PCDH15: variants seen among roughly 807,000 people sequenced by gnomAD.
PCDH15 encodes protocadherin-15.
A neutral mutation model predicts 178.5 loss-of-function variants in PCDH15; 129 were observed. The observed-to-expected ratio is 0.72, with a 90% CI of 0.63 to 0.84. The LOEUF is 0.84. PCDH15 is among the 40% of genes least tolerant of loss of function. The pLI is 0.00. For missense variants in PCDH15, 2,230 were observed against 2,099.9 expected (o/e 1.06, Z -1.21); for synonymous variants, 800 against 732.0 (o/e 1.09, Z -1.50).
At chr10:54,609,406 T>C (rs1172814592) in intron 2 of PCDH15, among the ~76,000 whole-genome samples, 1 of 152,096 alleles carries the variant, frequency 6.6e-6, no homozygotes, top group Non-Finnish European at 1.5e-5. Context: ...TGTAGTATAC[T>C]GCTCCATTAC....
At chr10:55,527,417 A>G (rs1237431176) in intron 2 of PCDH15, among the ~76,000 whole-genome samples, 1 of 152,018 alleles carries the variant, frequency 6.6e-6, no homozygotes, top group Non-Finnish European at 1.5e-5. Flanking sequence ...TGGAGTGTCT[A>G]TGTCCAAAGT....
chr10:54,708,778 ACG>A (rs2095394175), intron 1 of PCDH15, among the ~76,000 whole-genome samples: 2 of 127,108 alleles, frequency 1.6e-5, no homozygotes, highest in African/African-American at 3.2e-5. Context: ...GGCCAGAATA[ACG>A]TGTGTGTGTG....
At chr10:55,327,064 TC>T (rs1340899999) in intron 2 of PCDH15, among the ~76,000 whole-genome samples, 1 of 152,022 alleles carries the variant, frequency 6.6e-6, no homozygotes, top group Non-Finnish European at 1.5e-5. Context: ...AAATCCAAAA[TC>T]CCAAAGTAAT....
intron 1 of PCDH15, among the ~76,000 whole-genome samples, chr10:54,762,017 A>C (rs1371285180): frequency 6.6e-6 from 1 of 152,162 alleles, no homozygotes; most frequent in Non-Finnish European, 1.5e-5. Flanking sequence ...TACCACTGAC[A>C]GCAGGCACTG....
intron 27 of PCDH15, among the ~76,000 whole-genome samples, chr10:53,863,295 G>A (rs2079221165): frequency 6.6e-6 from 1 of 152,136 alleles, no homozygotes. Flanking sequence ...TACAAGGTCA[G>A]GAGAAGAAAA....
At chr10:55,559,032 C>T (rs1842143080) in intron 2 of PCDH15, among the ~76,000 whole-genome samples, 1 of 152,048 alleles carries the variant, frequency 6.6e-6, no homozygotes, top group Admixed American at 6.6e-5. Context: ...CCTCCCAGTG[C>T]CAACTCTCTA....
chr10:55,372,034 G>A (rs1320039746), intron 2 of PCDH15, among the ~76,000 whole-genome samples: 1 of 152,054 alleles, frequency 6.6e-6, no homozygotes, highest in Non-Finnish European at 1.5e-5. Flanking sequence ...TAGAAATTTA[G>A]ATATTTTAAA....
intron 2 of PCDH15, among the ~76,000 whole-genome samples, chr10:55,406,421 A>G (rs1588995746): frequency 1.3e-5 from 2 of 152,126 alleles, no homozygotes; most frequent in South Asian, 4.1e-4. Context: ...TGAAAATGAT[A>G]AATTTGGCCA....
At chr10:54,248,301 C>T (rs1052700455) in intron 8 of PCDH15, among the ~76,000 whole-genome samples, 4 of 151,796 alleles carry the variant, frequency 2.6e-5, no homozygotes, top group Admixed American at 6.6e-5. Context: ...ATTTAAAAAT[C>T]GTACTTAAAA....
intron 1 of PCDH15, among the ~76,000 whole-genome samples, chr10:54,748,894 C>G (rs1945824320): frequency 6.6e-6 from 1 of 152,152 alleles, no homozygotes; most frequent in South Asian, 2.1e-4. Flanking sequence ...CTCCCTTGCC[C>G]TGGCAGTGGA....
rs5785110 is a variant in PCDH15, at chr10:55,010,799, T to TA, written c.-79-113300dup. Among the ~76,000 whole-genome samples the TA allele has an allele frequency of 2.2e-3, 325 of 150,700 alleles. 1 individual carries two copies. The highest frequency in any genetic ancestry group is 5.0e-3 in the African/African-American group (207 of 41,014). ...TTTGCCATGCATAAACAACAACTTA[T>TA]AAAAAAAAAAGGTATTTATATCACA... is the stretch of plus-strand genomic sequence containing the variant. On this transcript the variant is annotated intron_variant, in intron 2 of 5. Coordinates refer to the PCDH15 transcript ENST00000458638.
At chr10:55,173,963 C>T (rs1177085089) in intron 1 of PCDH15, among the ~76,000 whole-genome samples, 2 of 151,994 alleles carry the variant, frequency 1.3e-5, no homozygotes, top group African/African-American at 2.4e-5. Flanking sequence ...CATTTCAAAG[C>T]TTTATTATTT....
intron 18 of PCDH15, among the ~76,000 whole-genome samples, chr10:54,032,853 T>C (rs986579362): frequency 6.6e-6 from 1 of 151,964 alleles, no homozygotes; most frequent in Non-Finnish European, 1.5e-5. Context: ...AAACTTACAA[T>C]CATGGTGGAT....
rs537422903 is a variant in PCDH15, at chr10:54,419,630, T to C, written c.158-40688A>G. Among the ~76,000 whole-genome samples, 74 of 152,254 alleles carry C rather than the reference T, an allele frequency of 4.9e-4. 1 individual carries two copies. The highest frequency in any genetic ancestry group is 1.4e-3 in the African/African-American group (58 of 41,568). On this transcript the variant is annotated intron_variant, in intron 3 of 37. Transcript: ENST00000644397. Reference sequence around the variant, plus strand: ...TGACTCAAGACATTCCAGTTAGTAATGCATTTCTCTGCTCAAATACAATAG... The same window carrying C: ...TGACTCAAGACATTCCAGTTAGTAACGCATTTCTCTGCTCAAATACAATAG...
At chr10:55,380,421 G>A (rs1249248995) in intron 2 of PCDH15, among the ~76,000 whole-genome samples, 9 of 152,140 alleles carry the variant, frequency 5.9e-5, no homozygotes, top group Admixed American at 5.9e-4. Context: ...CATCTTTTGA[G>A]TAAAGAAATA....
chr10:53,983,232 T>TTG (rs753844738), intron 21 of PCDH15, among the ~76,000 whole-genome samples: 210 of 149,242 alleles, frequency 1.4e-3, no homozygotes, highest in East Asian at 2.7e-3. Flanking sequence ...GTGTGTGTGT[T>TTG]TGTGTGTGTG....
At chr10:53,944,084 G>A (rs2086316644) in intron 23 of PCDH15, among the ~76,000 whole-genome samples, 1 of 151,998 alleles carries the variant, frequency 6.6e-6, no homozygotes, top group Admixed American at 6.6e-5. Flanking sequence ...TAACCAAATT[G>A]AATAAAATGG....
intron 2 of PCDH15, among the ~76,000 whole-genome samples, chr10:55,454,385 G>A (rs115677455): frequency 6.6e-6 from 1 of 151,968 alleles, no homozygotes; most frequent in Non-Finnish European, 1.5e-5. Context: ...GGGGATTACA[G>A]TATTGAAACT....
intron 2 of PCDH15, among the ~76,000 whole-genome samples, chr10:54,603,616 C>CTA (rs989306998): frequency 1.2e-4 from 18 of 151,780 alleles, no homozygotes; most frequent in African/African-American, 3.6e-4. Context: ...GGCTTATATA[C>CTA]TATAGGTAAG....
Sources: gnomAD v4.1 joint callset for allele counts (sites outside exome capture counted in the v4.1 genomes callset) on GRCh38, gnomAD v4.1.1 for gene constraint, MANE v1.5 for transcripts, NCBI Gene and HGNC (gene_info 2026-07-23, HGNC 2026-07-21) for gene names.